MCM8: variants seen among roughly 807,000 people sequenced by gnomAD.
The protein encoded by MCM8 is minichromosome maintenance 8 homologous recombination repair factor, also known as DNA helicase MCM8.
A neutral mutation model predicts 98.9 loss-of-function variants in MCM8; 85 were observed. The ratio of observed to expected loss-of-function variants is 0.86; its 90% CI spans 0.72 to 1.03. MCM8 has a LOEUF of 1.03. Among genes scored for constraint, MCM8 ranks in the 50% least tolerant of loss-of-function variants. The probability of loss-of-function intolerance (pLI) is 0.00; values close to 1 mark genes in which losing one functional copy is unlikely to be tolerated. For synonymous variants in MCM8, 352 were observed against 338.6 expected (o/e 1.04, Z -0.44); for missense variants, 951 against 997.8 (o/e 0.95, Z 0.63).
rs145301253 is a variant in MCM8 at position 5,977,726 on chromosome 20, T to C, written c.1396-150T>C. On this transcript the variant is annotated intron_variant, in intron 12 of 18. Coordinates refer to ENST00000610722, the MANE Select transcript of MCM8 (RefSeq NM_032485.6). ...TTGACATCAGTAAATCAGGATATAA[T>C]AATACCTTTCTCTGCTGGTGATGGT... 1,039 of 758,286 alleles carry C rather than the reference T, an allele frequency of 1.4e-3. 7 individuals carry two copies. In the African/African-American group the frequency reaches 0.014, roughly 11 times the overall value. 47.0% of individuals were successfully genotyped at this position (758,286 alleles called of 1,614,324 possible).
intron 11 of MCM8, 92 bp from the exon 12 acceptor site, chr20:5,972,964 C>A: frequency 1.4e-6 from 2 of 1,435,674 alleles, no homozygotes; most frequent in Non-Finnish European, 9.3e-7. Context: ...AATCCCCAAA[C>A]AAATTAATAT....
intron 1 of MCM8, 93 bp downstream of exon 1, chr20:5,951,116 C>T (rs1208763582): frequency 6.6e-6 from 1 of 152,214 alleles, no homozygotes; most frequent in Non-Finnish European, 1.5e-5. Flanking sequence ...TCCAGTCCTA[C>T]TTCTTAACGT....
chr20:5,982,911 A>C (rs574536609), intron 13 of MCM8, 59 bp from the exon 14 acceptor site: 1 of 1,418,868 alleles, frequency 7.0e-7, no homozygotes, highest in East Asian at 2.4e-5. Context: ...TATCCTATAA[A>C]ATTTGGAACT....
chr20:5,956,145 G>A (rs767399160), intron 5 of MCM8, among the ~76,000 whole-genome samples: 6 of 152,226 alleles, frequency 3.9e-5, no homozygotes, highest in Non-Finnish European at 7.3e-5. Context: ...CATACACAAA[G>A]TGCTGGGGCA....
At position 5,993,637 on chromosome 20, in the gene MCM8, A is replaced by T. The variant is rs1219933524; in HGVS notation, c.2372A>T (p.Tyr791Phe). The change falls in exon 18 of 19, where the codon TAT becomes TTT. Residue 791 changes from tyrosine (Y) to phenylalanine (F), a missense_variant. Tyr to Phe is a conservative substitution (Grantham distance 22). Transcript: ENST00000610722. The part of the protein sequence containing the change: ...SALNNVAERT[Y>F]NNIFQFHQLR... ...CTCAACAACGTTGCTGAAAGAACTTATAATAATATATTTCAATTTCATCAA... is the reference window on the plus strand; with the variant it reads ...CTCAACAACGTTGCTGAAAGAACTTTTAATAATATATTTCAATTTCATCAA... 2 of 1,611,100 alleles carry T rather than the reference A, an allele frequency of 1.2e-6. No homozygotes were observed. The highest frequency in any genetic ancestry group is 1.7e-6 in the Non-Finnish European group (2 of 1,178,182).
At chr20:5,963,480 T>C in intron 8 of MCM8, 121 bp downstream of exon 8, 1 of 604,370 alleles carries the variant, frequency 1.7e-6, no homozygotes, top group Middle Eastern at 2.6e-4. Flanking sequence ...TAATAGTGTA[T>C]AATAGATGGT....
At chr20:5,980,485 T>C (rs901449492) in intron 13 of MCM8, among the ~76,000 whole-genome samples, 3 of 152,162 alleles carry the variant, frequency 2.0e-5, no homozygotes, top group Non-Finnish European at 2.9e-5. Flanking sequence ...ATTATATAGC[T>C]CATCAGAAGT....
chr20:5,985,900 G>A (rs771267775), intron 15 of MCM8, 22 bp from the exon 16 acceptor site: 2 of 1,608,724 alleles, frequency 1.2e-6, no homozygotes, highest in East Asian at 4.5e-5. Flanking sequence ...TTGTTATCTT[G>A]GGCCTTTTAA....
rs950621749 is a variant in MCM8, at chr20:5,993,646, T to C, written c.2381T>C (p.Ile794Thr). The change falls in exon 18 of 19, where the codon ATA (isoleucine) becomes ACA (threonine). Residue 794 changes from isoleucine to threonine, a missense_variant. Coordinates refer to ENST00000610722, the MANE Select transcript of MCM8 (RefSeq NM_032485.6). ...NNVAERTYNN[I>T]FQFHQLRQIA... ...GTTGCTGAAAGAACTTATAATAATA[T>C]ATTTCAATTTCATCAACTTCGGCAG... 4.3e-6 allele frequency: 7 copies of C among 1,610,156 alleles called. No individual in the cohort carries two copies. The Admixed American group carries it at 1.0e-4, about 23-fold the overall frequency.
chr20:5,970,975 A>G (rs2089389469), intron 10 of MCM8, among the ~76,000 whole-genome samples: 1 of 151,986 alleles, frequency 6.6e-6, no homozygotes. Context: ...TGGCTGGCTA[A>G]TTTTTAATTT....
At position 5,973,143 on chromosome 20, in the gene MCM8, C is replaced by A; in HGVS notation, c.1342C>A (p.Pro448Thr). ...DKNRIPIRGD[P>T]HILVVGDPGL... Reference sequence around the variant, plus strand: ...AAACAGAATTCCAATTCGGGGAGACCCCCACATCCTTGTTGTTGGAGATCC... The same window carrying A: ...AAACAGAATTCCAATTCGGGGAGACACCCACATCCTTGTTGTTGGAGATCC... Residue 448 changes from proline to threonine, a missense_variant, in exon 12 of 19, where the codon CCC becomes ACC. Physicochemically the swap from Pro to Thr is conservative, Grantham distance 38. Transcript: ENST00000610722. The A allele has an allele frequency of 6.2e-7, 1 of 1,614,178 alleles. No individual in the cohort carries two copies.
At chr20:5,954,525 GTATA>G (rs1287601112) in intron 3 of MCM8, 79 bp from the exon 4 acceptor site, 79 of 692,924 alleles carry the variant, frequency 1.1e-4, no homozygotes, top group Middle Eastern at 1.0e-3. Flanking sequence ...CATCTACCAT[GTATA>G]TAGTGCTGCT....
chr20:5,953,438 GGTGT>G (rs11470045), intron 3 of MCM8, among the ~76,000 whole-genome samples: 40,000 of 145,922 alleles, frequency 0.27, 5,811 homozygotes, highest in East Asian at 0.55. Context: ...TCTCATGAGG[GGTGT>G]GTGTGTGTGT....
chr20:5,972,175 G>T, intron 11 of MCM8, 138 bp downstream of exon 11: 1 of 546,818 alleles, frequency 1.8e-6, no homozygotes. Context: ...AATGATATGG[G>T]AGGCAAGCAA....
intron 5 of MCM8, 118 bp downstream of exon 5, chr20:5,955,369 A>G (rs1264905426): frequency 1.4e-5 from 13 of 955,998 alleles, no homozygotes; most frequent in Non-Finnish European, 2.0e-5. Flanking sequence ...TATAAGAGAT[A>G]CTTAGCTTTT....
intron 17 of MCM8, among the ~76,000 whole-genome samples, chr20:5,990,724 A>G (rs1207144348): frequency 6.6e-6 from 1 of 152,198 alleles, no homozygotes; most frequent in Non-Finnish European, 1.5e-5. Context: ...AAAGTAAGTC[A>G]CAACCCAACC....
At chr20:5,963,388 C>T (rs2089198414) in intron 8 of MCM8, 29 bp downstream of exon 8, 11 of 1,552,828 alleles carry the variant, frequency 7.1e-6, no homozygotes, top group East Asian at 4.5e-5. Context: ...ACATAAAAGG[C>T]AGGCTTTAGA....
chr20:5,957,208 A>C lies in MCM8; in HGVS notation c.569A>C (p.Asn190Thr), dbSNP rs1473404877. The C allele has an allele frequency of 6.2e-7, 1 of 1,613,262 alleles. No homozygotes were observed. Among genetic ancestry groups the C allele is most frequent in the Non-Finnish European group, 8.5e-7 (1 of 1,179,490 alleles). ...GLSNDGETMV[N>T]VPHIHARVYN... ...TCTAATGATGGAGAAACAATGGTAA[A>C]TGTGCCACATATTCATGCAAGGTGA... The change falls in exon 6 of 19, where the codon AAT becomes ACT. Residue 190 changes from asparagine (N) to threonine (T), a missense_variant. Asn to Thr is a moderately conservative substitution (Grantham distance 65). Coordinates refer to ENST00000610722, the MANE Select transcript of MCM8 (RefSeq NM_032485.6).
At position 5,958,786 on chromosome 20, in the gene MCM8, A is replaced by G. The variant is rs554128976; in HGVS notation, c.789+60A>G. The G allele has an allele frequency of 6.2e-6, 9 of 1,456,780 alleles. 1 individual carries two copies. In the African/African-American group the frequency reaches 8.5e-5, roughly 14 times the overall value. 90.2% of individuals were successfully genotyped at this position (1,456,780 alleles called of 1,614,324 possible). ...TGGTAAAGAAGGCAAATCAGAATAC[A>G]GAAAACATTTCCCAGTGTTTCTGAA... On this transcript the variant is annotated intron_variant, in intron 7 of 18. Transcript: ENST00000610722.
Sources: allele counts gnomAD v4.1 joint callset (sites outside exome capture counted in the v4.1 genomes callset), GRCh38; gene constraint gnomAD v4.1.1; transcripts MANE v1.5; gene names NCBI Gene and HGNC (gene_info 2026-07-23, HGNC 2026-07-21).